LOC122539214: variants seen among roughly 807,000 people sequenced by gnomAD.
At chr19:52,657,705 G>C in the LOC122539214 span, among the ~76,000 whole-genome samples, 2 of 152,048 alleles carry the variant, frequency 1.3e-5, no homozygotes, top group East Asian at 1.9e-4. Context: ...AAATTAGCCA[G>C]ATGTGGTGGT....
the LOC122539214 span, among the ~76,000 whole-genome samples, chr19:52,675,395 G>C: frequency 2.6e-5 from 4 of 152,190 alleles, no homozygotes; most frequent in Admixed American, 2.6e-4. Context: ...AGAACAGAAA[G>C]AAATATATCA....
chr19:52,675,537 A>G, the LOC122539214 span, among the ~76,000 whole-genome samples: 1 of 152,006 alleles, frequency 6.6e-6, no homozygotes, highest in Non-Finnish European at 1.5e-5. Context: ...GGCCTCCTAT[A>G]ATTTTGTCCA....
chr19:52,669,702 G>A, the LOC122539214 span, among the ~76,000 whole-genome samples: 1 of 152,104 alleles, frequency 6.6e-6, no homozygotes, highest in African/African-American at 2.4e-5. Context: ...AAAGTGGTTC[G>A]GTAGATGGAA....
chr19:52,659,338 C>T, the LOC122539214 span, among the ~76,000 whole-genome samples: 2 of 151,966 alleles, frequency 1.3e-5, no homozygotes, highest in Non-Finnish European at 2.9e-5. Context: ...GTCATTGGTG[C>T]CCACTCGAGG....
At chr19:52,678,973 C>CAA in the LOC122539214 span, among the ~76,000 whole-genome samples, 3 of 138,384 alleles carry the variant, frequency 2.2e-5, no homozygotes, top group Non-Finnish European at 3.2e-5. Flanking sequence ...GACTCCATCT[C>CAA]AAAAAAAAAA....
chr19:52,667,383 G>A, the LOC122539214 span, among the ~76,000 whole-genome samples: 1 of 152,146 alleles, frequency 6.6e-6, no homozygotes, highest in Admixed American at 6.5e-5. Flanking sequence ...TGTCAAAGTT[G>A]TGAAAAAAGA....
At chr19:52,660,166 TTAAG>T in the LOC122539214 span, among the ~76,000 whole-genome samples, 1 of 152,056 alleles carries the variant, frequency 6.6e-6, no homozygotes, top group Non-Finnish European at 1.5e-5. Context: ...TAAGCTTTGC[TTAAG>T]TGAGTGGGAA....
At chr19:52,681,552 A>T in the LOC122539214 span, among the ~76,000 whole-genome samples, 15 of 152,196 alleles carry the variant, frequency 9.9e-5, no homozygotes, top group Non-Finnish European at 1.2e-4. Flanking sequence ...TAAGCCATAA[A>T]ATAACATACT....
the LOC122539214 span, among the ~76,000 whole-genome samples, chr19:52,666,889 A>C: frequency 6.6e-6 from 1 of 152,232 alleles, no homozygotes; most frequent in Non-Finnish European, 1.5e-5. Flanking sequence ...TCAATAAGTG[A>C]TAAAGAAACT....
At chr19:52,664,764 G>A in the LOC122539214 span, among the ~76,000 whole-genome samples, 1 of 149,416 alleles carries the variant, frequency 6.7e-6, no homozygotes, top group African/African-American at 2.5e-5. Flanking sequence ...GGGGGGGTGA[G>A]GGGGGAAGAG....
chr19:52,672,268 A>G, the LOC122539214 span, among the ~76,000 whole-genome samples: 1 of 152,202 alleles, frequency 6.6e-6, no homozygotes, highest in Non-Finnish European at 1.5e-5. Context: ...TGAAATTATA[A>G]ATCACCTCAT....
the LOC122539214 span, chr19:52,653,924 CT>C: frequency 9.5e-7 from 1 of 1,050,774 alleles, no homozygotes; most frequent in East Asian, 2.4e-5. Context: ...CTCATGTGTT[CT>C]TCCTGGATTT....
chr19:52,688,729 G>A, the LOC122539214 span, among the ~76,000 whole-genome samples: 1 of 151,878 alleles, frequency 6.6e-6, no homozygotes, highest in Non-Finnish European at 1.5e-5. Flanking sequence ...TATATGGACA[G>A]AAATTTAAAA....
the LOC122539214 span, among the ~76,000 whole-genome samples, chr19:52,656,030 G>A: frequency 6.6e-6 from 1 of 152,102 alleles, no homozygotes; most frequent in Non-Finnish European, 1.5e-5. Context: ...GGGCAACATG[G>A]TGAAACCAAG....
the LOC122539214 span, among the ~76,000 whole-genome samples, chr19:52,663,386 G>A: frequency 6.6e-6 from 1 of 152,170 alleles, no homozygotes; most frequent in Admixed American, 6.5e-5. Flanking sequence ...CTGAGCAAAT[G>A]TTTTCTTCAT....
the LOC122539214 span, among the ~76,000 whole-genome samples, chr19:52,683,226 CTCTGTG>C: frequency 2.5e-3 from 333 of 135,762 alleles, 8 homozygotes; most frequent in East Asian, 7.2e-3. Context: ...TGCCCTGTGA[CTCTGTG>C]TGTGTGTGTG....
the LOC122539214 span, chr19:52,652,425 A>G: frequency 2.6e-6 from 1 of 381,964 alleles, no homozygotes; most frequent in Non-Finnish European, 5.1e-6. Context: ...AAAGAGTAAG[A>G]CTTCATCTGA....
the LOC122539214 span, chr19:52,654,510 T>G: frequency 1.0e-5 from 5 of 478,238 alleles, no homozygotes; most frequent in Non-Finnish European, 1.7e-5. Context: ...TATTTTAAAA[T>G]TCCCAAATAT....
At chr19:52,679,156 A>T in the LOC122539214 span, among the ~76,000 whole-genome samples, 1 of 152,208 alleles carries the variant, frequency 6.6e-6, no homozygotes, top group South Asian at 2.1e-4. Flanking sequence ...GAAATGAACA[A>T]CAGTTCAGTC....
Sources: allele counts gnomAD v4.1 joint callset (sites outside exome capture counted in the v4.1 genomes callset), GRCh38; gene constraint gnomAD v4.1.1; transcripts MANE v1.5.